SCYL2: variants seen among roughly 807,000 people sequenced by gnomAD.
SCYL2 encodes the protein SCY1 like pseudokinase 2.
A neutral mutation model predicts 100.4 loss-of-function variants in SCYL2; 36 were observed. That is an observed-to-expected ratio of 0.36 (90% CI 0.27 to 0.47). SCYL2 has a LOEUF of 0.47. Among genes scored for constraint, SCYL2 ranks in the 20% least tolerant of loss-of-function variants. SCYL2 has a pLI of 1.00. For synonymous variants in SCYL2, 330 were observed against 359.2 expected (o/e 0.92, Z 0.92); for missense variants, 902 against 1,083.9 (o/e 0.83, Z 2.36).
chr12:100,295,394 C>G (rs917135075), intron 3 of SCYL2, among the ~76,000 whole-genome samples: 2 of 152,246 alleles, frequency 1.3e-5, no homozygotes, highest in African/African-American at 2.4e-5. Context: ...CCACTGCACT[C>G]CAGCCGGGGC....
intron 2 of SCYL2, among the ~76,000 whole-genome samples, chr12:100,284,715 G>A (rs753619181): frequency 5.9e-5 from 9 of 152,060 alleles, no homozygotes; most frequent in Admixed American, 6.6e-5. Context: ...CGCCCGTCTC[G>A]GCCTCCCAAA....
chr12:100,272,502 G>T (rs148975900), intron 1 of SCYL2, among the ~76,000 whole-genome samples: 2 of 151,996 alleles, frequency 1.3e-5, no homozygotes, highest in Non-Finnish European at 2.9e-5. Context: ...CTGGCTCATC[G>T]TGCACCAATT....
chr12:100,268,507 G>T (rs1566336582), intron 1 of SCYL2, among the ~76,000 whole-genome samples: 1 of 152,154 alleles, frequency 6.6e-6, no homozygotes, highest in Non-Finnish European at 1.5e-5. Context: ...ACATTAAACT[G>T]TAATCATAAA....
chr12:100,324,190 A>T (rs928267335), intron 11 of SCYL2, among the ~76,000 whole-genome samples: 6 of 152,164 alleles, frequency 3.9e-5, no homozygotes, highest in African/African-American at 1.2e-4. Context: ...ACATTCAGTT[A>T]CTTGTTAGTC....
intron 14 of SCYL2, 112 bp downstream of exon 14, chr12:100,334,378 C>T (rs1952249496): frequency 1.4e-6 from 1 of 690,698 alleles, no homozygotes; most frequent in African/African-American, 1.8e-5. Flanking sequence ...AATTTGACCA[C>T]ATGTAAAACA....
intron 1 of SCYL2, among the ~76,000 whole-genome samples, chr12:100,279,329 C>T (rs915220461): frequency 6.6e-5 from 10 of 152,216 alleles, no homozygotes; most frequent in African/African-American, 2.2e-4. Flanking sequence ...TGAGAGGAGG[C>T]GGAGCTTAGG....
intron 1 of SCYL2, among the ~76,000 whole-genome samples, chr12:100,268,647 A>G (rs1387925428): frequency 6.6e-6 from 1 of 152,224 alleles, no homozygotes; most frequent in Non-Finnish European, 1.5e-5. Flanking sequence ...ACCCAGTAAA[A>G]TAAATACAGG....
intron 2 of SCYL2, among the ~76,000 whole-genome samples, chr12:100,288,836 C>CA (rs897863970): frequency 1.6e-5 from 2 of 125,718 alleles, no homozygotes; most frequent in Non-Finnish European, 3.4e-5. Context: ...GACCCTGTCT[C>CA]AAAAAAAGAA....
chr12:100,315,796 A>G (rs1408900135), intron 9 of SCYL2, 62 bp downstream of exon 9: 1 of 1,340,880 alleles, frequency 7.5e-7, no homozygotes, highest in Non-Finnish European at 1.0e-6. Flanking sequence ...CTATCACTGA[A>G]AACAAAAGGA....
At chr12:100,327,264 G>A (rs1041064046) in intron 12 of SCYL2, 3 of 293,506 alleles carry the variant, frequency 1.0e-5, no homozygotes, top group Non-Finnish European at 2.1e-5. Context: ...TTTCTAATAT[G>A]TTTAAGTCTT....
intron 7 of SCYL2, among the ~76,000 whole-genome samples, chr12:100,314,073 G>GT (rs1240982178): frequency 6.6e-6 from 1 of 152,074 alleles, no homozygotes; most frequent in African/African-American, 2.4e-5. Flanking sequence ...TAGAGACAGT[G>GT]TTTCACCATT....
chr12:100,287,819 TAAA>T (rs1313034561), intron 2 of SCYL2, among the ~76,000 whole-genome samples: 1 of 152,184 alleles, frequency 6.6e-6, no homozygotes, highest in Non-Finnish European at 1.5e-5. Context: ...AATAAAAAGT[TAAA>T]AAATATTTTA....
chr12:100,332,707 T>C (rs1460499925), intron 13 of SCYL2, among the ~76,000 whole-genome samples: 1 of 150,374 alleles, frequency 6.7e-6, no homozygotes, highest in Admixed American at 6.7e-5. Context: ...TTTGTTTTTG[T>C]TTTTATTTTT....
chr12:100,268,857 C>T (rs1459820053), intron 1 of SCYL2, among the ~76,000 whole-genome samples: 2 of 152,178 alleles, frequency 1.3e-5, no homozygotes, highest in East Asian at 1.9e-4. Flanking sequence ...TGAAGTTTGA[C>T]AATTCCTCTG....
intron 3 of SCYL2, among the ~76,000 whole-genome samples, chr12:100,294,448 T>A (rs1483855864): frequency 1.2e-4 from 8 of 65,748 alleles, no homozygotes; most frequent in South Asian, 7.1e-4. Context: ...CACTTCCCAG[T>A]AGGGGCGGCC....
At chr12:100,288,201 CAA>C (rs1332081773) in intron 2 of SCYL2, among the ~76,000 whole-genome samples, 1 of 152,148 alleles carries the variant, frequency 6.6e-6, no homozygotes, top group Admixed American at 6.5e-5. Flanking sequence ...CTGATTGAAA[CAA>C]AGAGAAAATA....
chr12:100,267,280 G>A lies in SCYL2; in HGVS notation c.-541G>A. 1.7e-6 allele frequency: 1 copy of A among 575,366 alleles called. No individual in the cohort carries two copies. The highest frequency in any genetic ancestry group is 3.0e-6 in the Non-Finnish European group (1 of 328,728). 35.6% of individuals were successfully genotyped at this position (575,366 alleles called of 1,614,324 possible). A position where few individuals can be genotyped will look rare whatever the true frequency, so the allele number is the denominator to read the frequency against. On this transcript the variant is annotated 5_prime_UTR_variant, in exon 1 of 18. Coordinates refer to ENST00000360820, the MANE Select transcript of SCYL2 (RefSeq NM_017988.6). Reference sequence around the variant, plus strand: ...GGCCGCGGGGGCGGCGGAGGATATGGAGTAAAGCCAGAGTCAGTGGCCAGG... The same window carrying A: ...GGCCGCGGGGGCGGCGGAGGATATGAAGTAAAGCCAGAGTCAGTGGCCAGG...
Position 100,311,251 on chromosome 12 carries a change from G to T in SCYL2, c.630+58G>T. The T allele has an allele frequency of 2.0e-6, 3 of 1,517,184 alleles. No homozygotes were observed. In the South Asian group the frequency reaches 4.0e-5, roughly 20 times the overall value. The allele number at this position is 1,517,184 out of a possible 1,614,324, so 94.0% of individuals were successfully genotyped here. On this transcript the variant is annotated intron_variant, in intron 5 of 17. Coordinates refer to ENST00000360820, the MANE Select transcript of SCYL2 (RefSeq NM_017988.6). ...GCCAGGGAAATTTTGATTGCATCTG[G>T]AATGGACTAGAAATAGGCTATGTGG... is the stretch of plus-strand genomic sequence containing the variant.
At chr12:100,320,433 G>C (rs1472288266) in intron 10 of SCYL2, among the ~76,000 whole-genome samples, 1 of 152,056 alleles carries the variant, frequency 6.6e-6, no homozygotes, top group Non-Finnish European at 1.5e-5. Flanking sequence ...TGTAATCCCA[G>C]CTACTCAGGA....
Sources: gnomAD v4.1 joint callset for allele counts (sites outside exome capture counted in the v4.1 genomes callset) on GRCh38, gnomAD v4.1.1 for gene constraint, MANE v1.5 for transcripts, NCBI Gene and HGNC (gene_info 2026-07-23, HGNC 2026-07-21) for gene names.